HEXD: variants seen among roughly 807,000 people sequenced by gnomAD.
HEXD encodes hexosaminidase D, also known as N-acetyl-beta-galactosaminidase.
Under a neutral mutation model 54.2 loss-of-function variants are expected in HEXD, and 47 were observed. The ratio of observed to expected loss-of-function variants is 0.87; its 90% CI spans 0.69 to 1.11. The LOEUF is 1.11. Ranked by LOEUF, HEXD falls within the 50% of genes least tolerant of loss-of-function variation. The probability of loss-of-function intolerance (pLI) is 0.00; values close to 1 mark genes in which losing one functional copy is unlikely to be tolerated. For missense variants in HEXD, 576 were observed against 649.2 expected, an observed-to-expected ratio of 0.89 and a Z score of 1.23; for synonymous variants, 293 against 287.6, an observed-to-expected ratio of 1.02 and a Z score of -0.19.
At chr17:82,421,732 A>T (rs781402123) in intron 2 of HEXD, among the ~76,000 whole-genome samples, 3 of 152,184 alleles carry the variant, frequency 2.0e-5, no homozygotes, top group Non-Finnish European at 2.9e-5. Context: ...AGTCTGAAGC[A>T]GGAGAATTGC....
Position 82,442,431 on chromosome 17 carries a change from C to T in HEXD, c.*47C>T, listed in dbSNP as rs759805024. The T allele has an allele frequency of 2.5e-6, 4 of 1,610,408 alleles. No individual in the cohort carries two copies. The Admixed American group carries it at 6.7e-5, about 27-fold the overall frequency. The stretch of plus-strand genomic sequence containing the variant: ...GCTCCTGCTGGAGGCTGGGGGGGCT[C>T]TGCACTGCCAAATGGCCTGGGCAAT... On this transcript the variant is annotated 3_prime_UTR_variant, in exon 13 of 13. Coordinates refer to ENST00000327949, the MANE Select transcript of HEXD (RefSeq NM_001330542.2). The surrounding 1 kb of genome is among the most constrained non-coding windows in gnomAD (Gnocchi z 6.8).
rs776981907 is a variant in HEXD at position 82,440,963 on chromosome 17, C to T, written c.983-34C>T. The T allele has an allele frequency of 5.0e-6, 8 of 1,612,268 alleles. No homozygotes were observed. In the South Asian group the frequency reaches 7.7e-5, roughly 15 times the overall value. ...GTAGCCCCCTCCCCTCCTCCAGAGGCCCCTCCAACCGCCCCGCTCATTTGT... is the reference window on the plus strand; with the variant it reads ...GTAGCCCCCTCCCCTCCTCCAGAGGTCCCTCCAACCGCCCCGCTCATTTGT... On this transcript the variant is annotated intron_variant, in intron 9 of 12. Transcript: ENST00000327949.
intron 4 of HEXD, 70 bp from the exon 5 acceptor site, chr17:82,433,588 C>G (rs2053672465): frequency 2.1e-6 from 3 of 1,423,660 alleles, no homozygotes; most frequent in Non-Finnish European, 2.8e-6. Context: ...GAAACAGAAG[C>G]CCCAGGTGGG....
chr17:82,432,529 C>T (rs1295453748), intron 4 of HEXD, among the ~76,000 whole-genome samples: 1 of 152,138 alleles, frequency 6.6e-6, no homozygotes, highest in African/African-American at 2.4e-5. Flanking sequence ...GCCACAGAGT[C>T]TCTGTTCTTA....
Position 82,430,322 on chromosome 17 carries a change from C to T in HEXD, c.282+1677C>T, listed in dbSNP as rs529161629. On this transcript the variant is annotated intron_variant, in intron 4 of 12. Coordinates refer to ENST00000327949, the MANE Select transcript of HEXD (RefSeq NM_001330542.2). The stretch of plus-strand genomic sequence containing the variant: ...CTGGAGACCAGACATCCAAAATCAG[C>T]GTGTCGAAGGGTTGGTTTCTTACTG... Among the ~76,000 whole-genome samples, 5 of 152,320 alleles carry T rather than the reference C, an allele frequency of 3.3e-5. No individual in the cohort carries two copies. In the East Asian group the frequency reaches 7.7e-4, roughly 24 times the overall value.
At chr17:82,426,899 G>A (rs1201842721) in intron 3 of HEXD, 1 of 152,228 alleles carries the variant, frequency 6.6e-6, no homozygotes, top group African/African-American at 2.4e-5. Context: ...ACTTTGGGAG[G>A]CCGAGGCAGG....
At chr17:82,439,528 G>A in intron 8 of HEXD, 103 bp from the exon 9 acceptor site, 5 of 1,485,988 alleles carry the variant, frequency 3.4e-6, no homozygotes, top group Non-Finnish European at 4.4e-6. Flanking sequence ...CGCTGATGTA[G>A]CCTAAGGCCC....
At chr17:82,440,595 G>T in intron 9 of HEXD, 1 of 321,126 alleles carries the variant, frequency 3.1e-6, no homozygotes, top group South Asian at 2.6e-5. Flanking sequence ...GTCCACGCTG[G>T]TGCCTGCAGG....
chr17:82,432,890 C>G (rs12948551), intron 4 of HEXD, among the ~76,000 whole-genome samples: 13 of 147,558 alleles, frequency 8.8e-5, no homozygotes, highest in East Asian at 2.1e-4. Context: ...GGTGAAACCC[C>G]GTCTCTACTA....
chr17:82,437,752 C>A (rs770154578), intron 8 of HEXD, among the ~76,000 whole-genome samples: 2 of 152,168 alleles, frequency 1.3e-5, no homozygotes, highest in African/African-American at 2.4e-5. Context: ...TTGGGTCTCA[C>A]ACAGGAAAGA....
chr17:82,440,682 C>T, intron 9 of HEXD: 1 of 440,524 alleles, frequency 2.3e-6, no homozygotes. Context: ...TGCGTGAGCC[C>T]TGGACACCTG....
chr17:82,440,049 C>A, intron 9 of HEXD: 2 of 1,311,738 alleles, frequency 1.5e-6, no homozygotes, highest in Non-Finnish European at 2.0e-6. Context: ...CCTGGCCGAG[C>A]AGGTGTGGGG....
intron 2 of HEXD, among the ~76,000 whole-genome samples, chr17:82,422,462 A>C (rs1183072717): frequency 6.7e-6 from 1 of 150,292 alleles, no homozygotes; most frequent in East Asian, 2.0e-4. Flanking sequence ...GTGCCACTGC[A>C]CTCCAGCCTG....
chr17:82,429,751 C>T (rs201392194), intron 4 of HEXD, among the ~76,000 whole-genome samples: 1 of 152,174 alleles, frequency 6.6e-6, no homozygotes, highest in East Asian at 1.9e-4. Flanking sequence ...ATTTGTCTCT[C>T]TGTAGCTGGC....
chr17:82,441,381 A>G (rs1599760606), intron 11 of HEXD, 115 bp downstream of exon 11: 3 of 984,226 alleles, frequency 3.0e-6, no homozygotes, highest in Non-Finnish European at 4.0e-6. Context: ...GGTGCAGGTG[A>G]GCGGGCAGGC....
intron 3 of HEXD, among the ~76,000 whole-genome samples, chr17:82,427,776 G>C (rs1258432479): frequency 6.6e-6 from 1 of 152,162 alleles, no homozygotes; most frequent in Non-Finnish European, 1.5e-5. Context: ...ACTAGAAATA[G>C]CTTTTTTTTA....
intron 1 of HEXD, 23 bp from the exon 2 acceptor site, chr17:82,419,726 T>C (rs1402695352): frequency 2.2e-6 from 2 of 919,352 alleles, no homozygotes; most frequent in Non-Finnish European, 3.5e-6. Context: ...CCCCTGTTGA[T>C]AACTCTTGAT....
intron 2 of HEXD, among the ~76,000 whole-genome samples, chr17:82,420,854 C>T (rs1241635402): frequency 6.6e-6 from 1 of 152,180 alleles, no homozygotes; most frequent in Non-Finnish European, 1.5e-5. Context: ...GTGTGAGCCA[C>T]CGCACCCGGC....
intron 2 of HEXD, among the ~76,000 whole-genome samples, chr17:82,422,379 C>T (rs568991727): frequency 6.0e-5 from 9 of 150,926 alleles, no homozygotes; most frequent in Non-Finnish European, 5.9e-5. Context: ...CAACTGTAAT[C>T]CCACCTACTT....
Sources: allele counts gnomAD v4.1 joint callset (sites outside exome capture counted in the v4.1 genomes callset), GRCh38; gene constraint gnomAD v4.1.1; non-coding constraint Gnocchi (gnomAD v3.1); transcripts MANE v1.5; gene names NCBI Gene and HGNC (gene_info 2026-07-23, HGNC 2026-07-21).